The following SDK2 variants were observed in gnomAD, a reference collection of about 807,000 sequenced individuals.
SDK2 encodes protein sidekick-2.
A neutral mutation model predicts 253.9 loss-of-function variants in SDK2; 105 were observed. That is an observed-to-expected ratio of 0.41 (90% confidence interval 0.35 to 0.49). The LOEUF is 0.49. Among genes scored for constraint, SDK2 ranks in the 20% least tolerant of loss-of-function variants. The probability of loss-of-function intolerance (pLI) is 0.06; values close to 1 mark genes in which losing one functional copy is unlikely to be tolerated. For synonymous variants in SDK2, 1,249 were observed against 1,234.9 expected (o/e 1.01, Z -0.24); for missense variants, 2,608 against 3,003.0 (o/e 0.87, Z 3.07).
At chr17:73,569,206 T>C (rs1378504813) in intron 1 of SDK2, among the ~76,000 whole-genome samples, 2 of 150,622 alleles carry the variant, frequency 1.3e-5, no homozygotes, top group African/African-American at 4.9e-5. Flanking sequence ...TTTCTTTTTT[T>C]TTTTTTTTTG....
intron 7 of SDK2, 62 bp downstream of exon 7, chr17:73,437,902 A>G: frequency 6.3e-7 from 1 of 1,594,010 alleles, no homozygotes; most frequent in South Asian, 1.1e-5. Flanking sequence ...ACCCTTAAGG[A>G]GGACCCTCGC....
intron 18 of SDK2, among the ~76,000 whole-genome samples, chr17:73,410,018 C>G (rs1377157545): frequency 2.6e-5 from 4 of 152,188 alleles, no homozygotes; most frequent in African/African-American, 9.7e-5. Context: ...CCACACCTGA[C>G]TAACTTTTTT....
intron 16 of SDK2, among the ~76,000 whole-genome samples, chr17:73,418,562 T>C (rs898119753): frequency 2.6e-5 from 4 of 152,202 alleles, no homozygotes; most frequent in Admixed American, 2.0e-4. Flanking sequence ...CGAAGTTGCA[T>C]AGCATTTTGT....
At chr17:73,420,434 C>T (rs2063220048) in intron 15 of SDK2, among the ~76,000 whole-genome samples, 1 of 152,128 alleles carries the variant, frequency 6.6e-6, no homozygotes, top group Non-Finnish European at 1.5e-5. Context: ...CGGGTTCAAG[C>T]AATTCTCCTG....
chr17:73,403,564 AAGC>A lies in SDK2; in HGVS notation c.2485-1426_2485-1424del, dbSNP rs1323926912. Among the ~76,000 whole-genome samples the A allele has an allele frequency of 2.6e-5, 4 of 152,230 alleles. No homozygotes were observed. In the East Asian group the frequency reaches 7.7e-4, roughly 29 times the overall value. The stretch of plus-strand genomic sequence containing the variant: ...TGATTAAATAGCAATTAATGGTGAA[AAGC>A]AACACTTGATGAGTTTTAATAAGCA... On this transcript the variant is annotated intron_variant, in intron 18 of 44. Coordinates refer to ENST00000392650, the MANE Select transcript of SDK2 (RefSeq NM_001144952.2).
chr17:73,410,791 C>T (rs541352714), intron 18 of SDK2, among the ~76,000 whole-genome samples: 48 of 152,336 alleles, frequency 3.2e-4, no homozygotes, highest in African/African-American at 1.1e-3. Flanking sequence ...TGACCTTTAT[C>T]GAGTAGCTAC....
chr17:73,580,673 A>G (rs1375485291), intron 1 of SDK2, among the ~76,000 whole-genome samples: 1 of 152,266 alleles, frequency 6.6e-6, no homozygotes, highest in Non-Finnish European at 1.5e-5. Context: ...ACATATGTGT[A>G]AGCGGAGGAG....
At position 73,335,486 on chromosome 17, in the gene SDK2, G is replaced by T. The variant is rs553753551; in HGVS notation, c.*3101C>A. 6.6e-6 allele frequency: 1 copy of T among 152,384 alleles called. No individual in the cohort carries two copies. Among genetic ancestry groups the T allele is most frequent in the Admixed American group, 6.5e-5 (1 of 15,310 alleles). The allele number at this position is 152,384 out of a possible 1,614,324, so 9.4% of individuals were successfully genotyped here. A position where few individuals can be genotyped will look rare whatever the true frequency, so the allele number is the denominator to read the frequency against. ...CACCACCCCTTTCTAATGTGGCCAG[G>T]TTTCTGGGAGGACGGTTGGGAGCCT... is the stretch of plus-strand genomic sequence containing the variant. On this transcript the variant is annotated 3_prime_UTR_variant, in exon 45 of 45. Transcript: ENST00000392650.
chr17:73,447,559 A>G lies in SDK2; in HGVS notation c.613+56T>C. ...CTTCCCAATGATCCCCTGGAGCACC[A>G]TTGCTAAGATTTAATGGCCCGCTCC... is the stretch of plus-strand genomic sequence containing the variant. On this transcript the variant is annotated intron_variant, in intron 5 of 44. Transcript: ENST00000392650. This position sits in a 1 kb window ranked among gnomAD's most constrained non-coding sequence, Gnocchi z 4.0. 1.3e-6 allele frequency: 2 copies of G among 1,544,226 alleles called. No individual in the cohort carries two copies. Among genetic ancestry groups the G allele is most frequent in the Non-Finnish European group, 1.8e-6 (2 of 1,141,368 alleles).
Position 73,388,057 on chromosome 17 carries a change from G to T in SDK2, c.4193-20C>A, listed in dbSNP as rs765836074. On this transcript the variant is annotated intron_variant, in intron 29 of 44. Transcript: ENST00000392650. ...GACGGTCTGGGAGGTGGCAGAGGGG[G>T]AGGAGCAGGTGAGTGGGCCAGGCCA... 5 of 1,551,282 alleles carry T rather than the reference G, an allele frequency of 3.2e-6. No individual in the cohort carries two copies. Among genetic ancestry groups the T allele is most frequent in the Admixed American group, 3.9e-5 (2 of 51,688 alleles).
At position 73,391,449 on chromosome 17, in the gene SDK2, T is replaced by C. The variant is rs1252710388; in HGVS notation, c.3988A>G (p.Ile1330Val). The change falls in exon 28 of 45, where the codon ATC becomes GTC. Residue 1330 changes from isoleucine to valine, a missense_variant. Transcript: ENST00000392650. ...IWQPPAAPNGIILAYQITHRL... is the reference protein window; with the variant it reads ...IWQPPAAPNGVILAYQITHRL... ...AAGGGCAAAGGCTTACCAAGAATGA[T>C]GCCATTGGGGGCGGCAGGGGGCTGC... The C allele has an allele frequency of 4.6e-6, 6 of 1,309,288 alleles. No individual in the cohort carries two copies. Among genetic ancestry groups the C allele is most frequent in the African/African-American group, 3.0e-5 (2 of 66,382 alleles). 81.1% of individuals were successfully genotyped at this position (1,309,288 alleles called of 1,614,324 possible).
chr17:73,445,804 CA>C (rs966701082), intron 5 of SDK2, among the ~76,000 whole-genome samples: 7 of 152,200 alleles, frequency 4.6e-5, no homozygotes, highest in South Asian at 2.1e-4. Context: ...AGCTAAAAAT[CA>C]GCGGATTCTG....
chr17:73,398,529 A>T, intron 22 of SDK2, 100 bp from the exon 23 acceptor site: 1 of 981,466 alleles, frequency 1.0e-6, no homozygotes, highest in Admixed American at 2.1e-5. Flanking sequence ...GTTGGTTCAG[A>T]ACCCAGGGCT....
chr17:73,550,824 G>T (rs918029370), intron 1 of SDK2, among the ~76,000 whole-genome samples: 1 of 152,184 alleles, frequency 6.6e-6, no homozygotes, highest in African/African-American at 2.4e-5. Flanking sequence ...GGCCGGAGGG[G>T]TCCAGGGAGG....
intron 1 of SDK2, among the ~76,000 whole-genome samples, chr17:73,588,098 C>T (rs971251746): frequency 4.6e-5 from 7 of 151,916 alleles, no homozygotes; most frequent in Non-Finnish European, 5.9e-5. Context: ...TCTGGCCTGG[C>T]GCGGTGGCTC....
chr17:73,442,946 G>A (rs1183598109), intron 5 of SDK2, among the ~76,000 whole-genome samples: 1 of 151,396 alleles, frequency 6.6e-6, no homozygotes, highest in Non-Finnish European at 1.5e-5. Context: ...ATGGGTCAGT[G>A]TAGGCCCGAT....
In SDK2 at chr17:73,457,423, T is replaced by C. The variant is rs181642677; in HGVS notation, c.332-1370A>G. 4.6e-3 allele frequency among the ~76,000 whole-genome samples: 694 copies of C among 150,476 alleles called. 19 individuals are homozygous for C. Among genetic ancestry groups the C allele is most frequent in the Admixed American group, 0.043 (645 of 15,030 alleles). ...CCAAGTGCAGTGGTACAATCTTGGC[T>C]CACTGCAACCTCTGCCTCCCAGGTT... On this transcript the variant is annotated intron_variant, in intron 3 of 44. Coordinates refer to ENST00000392650, the MANE Select transcript of SDK2 (RefSeq NM_001144952.2).
At chr17:73,402,785 T>C (rs1165952930) in intron 18 of SDK2, among the ~76,000 whole-genome samples, 1 of 151,182 alleles carries the variant, frequency 6.6e-6, no homozygotes, top group Non-Finnish European at 1.5e-5. Context: ...TGTATTTTAT[T>C]TTATTATTTA....
chr17:73,434,307 C>T (rs1157618373), intron 9 of SDK2, among the ~76,000 whole-genome samples: 7 of 152,246 alleles, frequency 4.6e-5, no homozygotes, highest in East Asian at 1.9e-4. Flanking sequence ...CCATGGCCAC[C>T]GTTTAGGGTT....
Sources: gnomAD v4.1 joint callset for allele counts (sites outside exome capture counted in the v4.1 genomes callset) on GRCh38, gnomAD v4.1.1 for gene constraint, Gnocchi (gnomAD v3.1) non-coding constraint, MANE v1.5 for transcripts, NCBI Gene and HGNC (gene_info 2026-07-23, HGNC 2026-07-21) for gene names.